CLASP2: variants seen among roughly 807,000 people sequenced by gnomAD.
CLASP2 encodes the protein CLIP-associating protein 2.
In CLASP2, 47 loss-of-function variants were observed where a neutral mutation model predicts 194.4. That is an observed-to-expected ratio of 0.24 (90% confidence interval 0.19 to 0.31). The LOEUF (loss-of-function observed/expected upper bound fraction) is 0.31, where lower values mean the gene tolerates loss of function less well. CLASP2 is among the 10% of genes least tolerant of loss of function. The pLI, the probability that CLASP2 is intolerant of heterozygous loss-of-function variation, is 1.00. For synonymous variants in CLASP2, 619 were observed against 633.5 expected, an observed-to-expected ratio of 0.98 and a Z score of 0.34; for missense variants, 1,445 against 1,823.6, an observed-to-expected ratio of 0.79 and a Z score of 3.78.
chr3:33,577,036 G>A (rs2065041385), intron 23 of CLASP2, among the ~76,000 whole-genome samples: 1 of 135,994 alleles, frequency 7.4e-6, no homozygotes, highest in Non-Finnish European at 1.6e-5. Flanking sequence ...TTGCTAAAGG[G>A]GAAAACGTTA....
At chr3:33,693,165 A>T (rs996394080) in intron 2 of CLASP2, among the ~76,000 whole-genome samples, 3 of 152,056 alleles carry the variant, frequency 2.0e-5, no homozygotes, top group Non-Finnish European at 4.4e-5. Context: ...AATATTTTCT[A>T]TTATTAATAC....
rs938547974 is a variant in CLASP2 at position 33,498,516 on chromosome 3, A to T, written c.*115T>A. On this transcript the variant is annotated 3_prime_UTR_variant, in exon 39 of 39. Coordinates refer to ENST00000682230, the MANE Select transcript of CLASP2 (RefSeq NM_001365631.1). ...CAAAACGAAACGAAACAAAAAACTA[A>T]AACTGGGAAACAATAGTAAGTTCCA... 1.6e-6 allele frequency: 1 copy of T among 636,374 alleles called. No individual in the cohort carries two copies. The highest frequency in any genetic ancestry group is 2.7e-6 in the Non-Finnish European group (1 of 369,090). 39.4% of individuals were successfully genotyped at this position (636,374 alleles called of 1,614,324 possible). A position where few individuals can be genotyped will look rare whatever the true frequency, so the allele number is the denominator to read the frequency against.
chr3:33,523,286 T>C (rs1469232531), intron 34 of CLASP2, among the ~76,000 whole-genome samples: 1 of 152,096 alleles, frequency 6.6e-6, no homozygotes, highest in African/African-American at 2.4e-5. Flanking sequence ...CAAAATTTGA[T>C]GAAAGACATG....
Position 33,713,012 on chromosome 3 carries a change from C to CAA in CLASP2, c.195+4794_195+4795dup, listed in dbSNP as rs57940200. ...GGGCGACAAGAGCAAAACTCCACCT[C>CAA]AAAAAAAAAAAAAAAAAAAAAAAAA... On this transcript the variant is annotated intron_variant, in intron 1 of 38. Transcript: ENST00000682230. Among the ~76,000 whole-genome samples, 66 of 46,994 alleles carry CAA rather than the reference C, an allele frequency of 1.4e-3. 1 individual carries two copies. Among genetic ancestry groups the CAA allele is most frequent in the African/African-American group, 2.2e-3 (28 of 12,840 alleles). The allele number at this position is 46,994 out of a possible 152,430, so 30.8% of individuals were successfully genotyped here.
intron 7 of CLASP2, among the ~76,000 whole-genome samples, chr3:33,645,835 T>C (rs974474139): frequency 2.0e-5 from 3 of 151,840 alleles, no homozygotes; most frequent in African/African-American, 7.2e-5. Context: ...ACAAAACAAT[T>C]TGTTTTCATA....
At chr3:33,698,831 T>C (rs2092160476) in intron 1 of CLASP2, among the ~76,000 whole-genome samples, 1 of 152,120 alleles carries the variant, frequency 6.6e-6, no homozygotes, top group Non-Finnish European at 1.5e-5. Context: ...CAACCACACA[T>C]TATGAGACAC....
intron 1 of CLASP2, among the ~76,000 whole-genome samples, chr3:33,700,608 G>C (rs1352647925): frequency 6.6e-6 from 1 of 151,422 alleles, no homozygotes; most frequent in Non-Finnish European, 1.5e-5. Context: ...CACTTTGGGA[G>C]GGTGAGGCAG....
At position 33,607,354 on chromosome 3, in the gene CLASP2, C is replaced by G. The variant is rs969402089; in HGVS notation, c.1526+30G>C. ...ACATTTTTTTTTAAAAAAGATTAAA[C>G]TGTCACAAAACTATACTACACTGAC... On this transcript the variant is annotated intron_variant, in intron 15 of 38. Transcript: ENST00000682230. The G allele has an allele frequency of 2.7e-6, 4 of 1,470,800 alleles. No homozygotes were observed. The African/African-American group carries it at 4.3e-5, about 16-fold the overall frequency. The allele number at this position is 1,470,800 out of a possible 1,614,324, so 91.1% of individuals were successfully genotyped here.
At chr3:33,542,547 T>C (rs1358655363) in intron 32 of CLASP2, among the ~76,000 whole-genome samples, 1 of 150,052 alleles carries the variant, frequency 6.7e-6, no homozygotes, top group East Asian at 1.9e-4. Flanking sequence ...ATAATCATTC[T>C]GAATATGAAA....
At chr3:33,577,108 C>A in intron 23 of CLASP2, 18 of 943,708 alleles carry the variant, frequency 1.9e-5, no homozygotes, top group East Asian at 8.8e-5. Flanking sequence ...AATAAAAAAT[C>A]AATTTTAAAA....
Position 33,499,275 on chromosome 3 carries a change from T to C in CLASP2, c.4435-558A>G, listed in dbSNP as rs796252575. Among the ~76,000 whole-genome samples, 14 of 152,274 alleles carry C rather than the reference T, an allele frequency of 9.2e-5. 1 individual carries two copies. The highest frequency in any genetic ancestry group is 3.1e-4 in the African/African-American group (13 of 41,564). On this transcript the variant is annotated intron_variant, in intron 38 of 38. Coordinates refer to ENST00000682230, the MANE Select transcript of CLASP2 (RefSeq NM_001365631.1). ...CTCACCCTTCTGCCATGATTGTAAG[T>C]TTCCTGAAGCCTCTCCAGCCATGCG...
At chr3:33,564,415 T>C (rs2062307602) in intron 27 of CLASP2, among the ~76,000 whole-genome samples, 1 of 152,212 alleles carries the variant, frequency 6.6e-6, no homozygotes, top group African/African-American at 2.4e-5. Flanking sequence ...TTATTCTCAC[T>C]CTGACATATC....
intron 35 of CLASP2, 83 bp from the exon 36 acceptor site, chr3:33,516,234 T>C (rs770544188): frequency 1.2e-5 from 16 of 1,323,556 alleles, no homozygotes; most frequent in Non-Finnish European, 1.5e-5. Flanking sequence ...CTTAAGGGTC[T>C]TAATATTGGG....
At chr3:33,571,077 G>C (rs1395757280) in intron 25 of CLASP2, among the ~76,000 whole-genome samples, 1 of 146,066 alleles carries the variant, frequency 6.8e-6, no homozygotes, top group African/African-American at 2.5e-5. Context: ...GCAGTGGCGC[G>C]ATCTCGGCTC....
chr3:33,650,669 G>C (rs1312265936), intron 7 of CLASP2, among the ~76,000 whole-genome samples: 1 of 151,796 alleles, frequency 6.6e-6, no homozygotes, highest in Non-Finnish European at 1.5e-5. Flanking sequence ...TACAGGAAGA[G>C]GAAATGGAGA....
At chr3:33,717,271 G>C (rs1324198775) in intron 1 of CLASP2, among the ~76,000 whole-genome samples, 1 of 151,832 alleles carries the variant, frequency 6.6e-6, no homozygotes, top group Admixed American at 6.6e-5. Flanking sequence ...GATCAACATT[G>C]TGTCCTAGTA....
rs201766506 is a variant in CLASP2, at chr3:33,535,338, A to G, written c.3682T>C (p.Ser1228Pro). 541 of 1,613,736 alleles carry G rather than the reference A, an allele frequency of 3.4e-4. No homozygotes were observed. Among genetic ancestry groups the G allele is most frequent in the Non-Finnish European group, 4.2e-4 (491 of 1,179,856 alleles). Residue 1228 changes from serine to proline, a missense_variant, in exon 34 of 39, where the codon TCT becomes CCT. This residue lies in a region of CLASP2 where 732 missense variants were observed against 987.9 expected (regional missense o/e 0.74). Transcript: ENST00000682230. ...HSMPTHSSPR[S>P]RDYNPYNYSD... ...TAGTTATATGGATTATAGTCTCGAG[A>G]GCGTGGAGAGGAGTGAGTAGGCATT...
intron 1 of CLASP2, among the ~76,000 whole-genome samples, chr3:33,715,322 T>C (rs948784865): frequency 2.0e-5 from 3 of 152,230 alleles, no homozygotes; most frequent in Non-Finnish European, 2.9e-5. Context: ...AGTCACCTTC[T>C]CAATGAGGTC....
chr3:33,635,336 G>A (rs572739715), intron 8 of CLASP2, among the ~76,000 whole-genome samples: 1 of 152,162 alleles, frequency 6.6e-6, no homozygotes, highest in South Asian at 2.1e-4. Context: ...AAGAAGGAAT[G>A]GTATCATGAA....
Sources: allele counts gnomAD v4.1 joint callset (sites outside exome capture counted in the v4.1 genomes callset), GRCh38; gene constraint gnomAD v4.1.1; regional missense constraint gnomAD v4.1.1; transcripts MANE v1.5; gene names NCBI Gene and HGNC (gene_info 2026-07-23, HGNC 2026-07-21).